The following SDK1 variants were observed in gnomAD, a reference collection of about 807,000 sequenced individuals.
SDK1 encodes protein sidekick-1.
SDK1 carries 157 observed loss-of-function variants against 245.5 expected under a neutral mutation model. The observed-to-expected ratio is 0.64, with a 90% CI of 0.56 to 0.73. SDK1 has a LOEUF of 0.73. Ranked by LOEUF, SDK1 falls within the 30% of genes least tolerant of loss-of-function variation. SDK1 has a pLI of 0.00. For missense variants in SDK1, 3,583 were observed against 3,002.3 expected (o/e 1.19, Z -4.52); for synonymous variants, 1,647 against 1,278.5 (o/e 1.29, Z -6.15).
intron 1 of SDK1, among the ~76,000 whole-genome samples, chr7:3,503,642 A>C (rs184055690): frequency 2.0e-5 from 3 of 152,134 alleles, no homozygotes; most frequent in Non-Finnish European, 4.4e-5. Context: ...ATGCCACTGC[A>C]CTCCAGCCTG....
At chr7:3,736,625 C>G (rs1247800185) in intron 4 of SDK1, among the ~76,000 whole-genome samples, 1 of 152,144 alleles carries the variant, frequency 6.6e-6, no homozygotes, top group Non-Finnish European at 1.5e-5. Flanking sequence ...CTCTTCCCCA[C>G]TACTGTGGGA....
intron 1 of SDK1, among the ~76,000 whole-genome samples, chr7:3,337,306 G>A (rs1183314047): frequency 6.6e-6 from 1 of 152,080 alleles, no homozygotes; most frequent in African/African-American, 2.4e-5. Context: ...GCAATGGCAG[G>A]CTGAGAATCA....
chr7:3,851,215 C>G (rs1023927226), intron 5 of SDK1, among the ~76,000 whole-genome samples: 2 of 152,174 alleles, frequency 1.3e-5, no homozygotes, highest in African/African-American at 4.8e-5. Context: ...GAGATGCTAT[C>G]TGCCCCAAAT....
At chr7:3,542,917 A>G (rs556911538) in intron 1 of SDK1, among the ~76,000 whole-genome samples, 3 of 152,342 alleles carry the variant, frequency 2.0e-5, no homozygotes, top group Non-Finnish European at 4.4e-5. Flanking sequence ...ACTAGGAAAA[A>G]TAGCAGACCA....
At chr7:3,866,031 A>G (rs1321524003) in intron 5 of SDK1, among the ~76,000 whole-genome samples, 2 of 152,194 alleles carry the variant, frequency 1.3e-5, no homozygotes, top group African/African-American at 4.8e-5. Context: ...ATGGGATTGA[A>G]AGGAAAAGGA....
At chr7:3,782,605 A>G (rs891448494) in intron 4 of SDK1, among the ~76,000 whole-genome samples, 2 of 152,232 alleles carry the variant, frequency 1.3e-5, no homozygotes, top group South Asian at 2.1e-4. Flanking sequence ...TACCAATACT[A>G]CCATCAGTGG....
At chr7:3,467,421 TGTATA>T (rs1781044301) in intron 1 of SDK1, among the ~76,000 whole-genome samples, 1 of 151,904 alleles carries the variant, frequency 6.6e-6, no homozygotes, top group Non-Finnish European at 1.5e-5. Flanking sequence ...AAACCAAAAA[TGTATA>T]GTATAAAAAT....
chr7:3,538,110 G>T (rs1206349635), intron 1 of SDK1, among the ~76,000 whole-genome samples: 1 of 152,150 alleles, frequency 6.6e-6, no homozygotes, highest in Admixed American at 6.5e-5. Flanking sequence ...ACATTATAAG[G>T]AATAAAATCC....
intron 35 of SDK1, among the ~76,000 whole-genome samples, chr7:4,186,809 A>G (rs1024949852): frequency 6.6e-6 from 1 of 152,142 alleles, no homozygotes; most frequent in Non-Finnish European, 1.5e-5. Context: ...GGGCCCGTAT[A>G]GACAGTGCGG....
intron 4 of SDK1, among the ~76,000 whole-genome samples, chr7:3,759,329 A>G (rs1002405806): frequency 1.3e-5 from 2 of 152,212 alleles, no homozygotes; most frequent in African/African-American, 4.8e-5. Flanking sequence ...ATTGAATCAT[A>G]GAAACATTTT....
At chr7:3,837,851 A>G (rs961469909) in intron 5 of SDK1, among the ~76,000 whole-genome samples, 1 of 152,234 alleles carries the variant, frequency 6.6e-6, no homozygotes, top group East Asian at 1.9e-4. Context: ...ATAAAAATGC[A>G]TAGCATTTTG....
intron 1 of SDK1, among the ~76,000 whole-genome samples, chr7:3,409,340 T>C (rs896113497): frequency 6.7e-6 from 1 of 149,960 alleles, no homozygotes; most frequent in African/African-American, 2.5e-5. Flanking sequence ...ATCTGAACAA[T>C]ACTCTTGGTT....
intron 35 of SDK1, among the ~76,000 whole-genome samples, chr7:4,197,661 A>G (rs1783662668): frequency 6.6e-6 from 1 of 152,190 alleles, no homozygotes; most frequent in Admixed American, 6.5e-5. Flanking sequence ...CGTCAGGCTC[A>G]CTGTCCTGCA....
At chr7:4,246,760 G>A (rs999411668) in intron 44 of SDK1, among the ~76,000 whole-genome samples, 3 of 152,104 alleles carry the variant, frequency 2.0e-5, no homozygotes, top group Non-Finnish European at 4.4e-5. Context: ...CTTCCCCGAG[G>A]GAGTGTCAGC....
At chr7:3,844,338 A>G (rs2880204) in intron 5 of SDK1, among the ~76,000 whole-genome samples, 57,501 of 152,104 alleles carry the variant, frequency 0.38, 14,786 homozygotes, top group African/African-American at 0.74. Flanking sequence ...TATTTCTTTA[A>G]TTAGGTTTAG....
rs1781794915 is a variant in SDK1, at chr7:3,617,072, T to G, written c.299-2008T>G. Among the ~76,000 whole-genome samples, 3 of 152,234 alleles carry G rather than the reference T, an allele frequency of 2.0e-5. No homozygotes were observed. The South Asian group carries it at 6.2e-4, about 32-fold the overall frequency. On this transcript the variant is annotated intron_variant, in intron 1 of 44. Coordinates refer to ENST00000404826, the MANE Select transcript of SDK1 (RefSeq NM_152744.4). Reference sequence around the variant, plus strand: ...AAGTTATTTAACTTCTCCATGCTTCTGTTTATTCATTCTTAAAATGGGTAT... The same window carrying G: ...AAGTTATTTAACTTCTCCATGCTTCGGTTTATTCATTCTTAAAATGGGTAT...
At chr7:3,446,136 G>A (rs941834740) in intron 1 of SDK1, among the ~76,000 whole-genome samples, 1 of 152,024 alleles carries the variant, frequency 6.6e-6, no homozygotes, top group Admixed American at 6.6e-5. Context: ...TGGTTTCCCT[G>A]TTAGGTAAGA....
chr7:3,784,292 A>T (rs1002799234), intron 4 of SDK1, among the ~76,000 whole-genome samples: 1 of 151,890 alleles, frequency 6.6e-6, no homozygotes, highest in Admixed American at 6.6e-5. Context: ...TCAATAAATG[A>T]CTTTGGGAAA....
At chr7:3,787,809 G>C (rs982083170) in intron 4 of SDK1, among the ~76,000 whole-genome samples, 2 of 152,164 alleles carry the variant, frequency 1.3e-5, no homozygotes, top group African/African-American at 4.8e-5. Flanking sequence ...CTGTTCTGTA[G>C]CTTTGTGAAG....
Sources: gnomAD v4.1 joint callset for allele counts (sites outside exome capture counted in the v4.1 genomes callset) on GRCh38, gnomAD v4.1.1 for gene constraint, MANE v1.5 for transcripts, NCBI Gene and HGNC (gene_info 2026-07-23, HGNC 2026-07-21) for gene names.